Variants in SLC35D4 observed in about 807,000 individuals in gnomAD.
SLC35D4 encodes the protein UDP-N-acetylglucosamine transporter SLC35D4.
chr18:23,365,534 C>G, the SLC35D4 span: 1 of 1,392,914 alleles, frequency 7.2e-7, no homozygotes, highest in Non-Finnish European at 9.8e-7. Context: ...TCCTGGGGGG[C>G]AATGACATGC....
the SLC35D4 span, among the ~76,000 whole-genome samples, chr18:23,277,420 G>A: frequency 6.6e-6 from 1 of 152,186 alleles, no homozygotes; most frequent in Non-Finnish European, 1.5e-5. Flanking sequence ...CCAGCCATGT[G>A]GAACTGTAAG....
the SLC35D4 span, chr18:23,310,179 C>T: frequency 8.1e-6 from 8 of 982,688 alleles, no homozygotes; most frequent in African/African-American, 1.7e-5. Context: ...ACTTATCTGT[C>T]ACCCAGCCTT....
the SLC35D4 span, among the ~76,000 whole-genome samples, chr18:23,281,757 G>C: frequency 1.3e-5 from 2 of 152,234 alleles, no homozygotes; most frequent in African/African-American, 2.4e-5. Flanking sequence ...GCCAGAACCA[G>C]AGAGATTTTG....
chr18:23,365,736 A>G, the SLC35D4 span: 7 of 1,578,024 alleles, frequency 4.4e-6, no homozygotes, highest in Non-Finnish European at 6.0e-6. Flanking sequence ...GTTCCCACAC[A>G]TTTTACTTGG....
the SLC35D4 span, among the ~76,000 whole-genome samples, chr18:23,363,893 G>T: frequency 6.6e-6 from 1 of 152,178 alleles, no homozygotes; most frequent in African/African-American, 2.4e-5. Context: ...GCAGAGAGGG[G>T]ACTCAACAGC....
chr18:23,411,545 G>GAAAGAAAGAAAA, the SLC35D4 span, among the ~76,000 whole-genome samples: 1 of 150,070 alleles, frequency 6.7e-6, no homozygotes, highest in Non-Finnish European at 1.5e-5. Context: ...AAGAAAGAAA[G>GAAAGAAAGAAAA]AAAGAAAGGT....
chr18:23,267,930 C>T, the SLC35D4 span, among the ~76,000 whole-genome samples: 1 of 152,172 alleles, frequency 6.6e-6, no homozygotes, highest in Non-Finnish European at 1.5e-5. Flanking sequence ...AGTCTTCTGG[C>T]CACCCGGTTT....
the SLC35D4 span, chr18:23,365,620 C>A: frequency 1.2e-6 from 2 of 1,613,392 alleles, no homozygotes. Context: ...AAACAACACT[C>A]CGGGGGCATT....
chr18:23,419,082 G>A, the SLC35D4 span, among the ~76,000 whole-genome samples: 1 of 152,060 alleles, frequency 6.6e-6, no homozygotes, highest in Non-Finnish European at 1.5e-5. Context: ...GTCATCACAA[G>A]GTGAATGACT....
the SLC35D4 span, among the ~76,000 whole-genome samples, chr18:23,436,066 T>C: frequency 1.4e-5 from 2 of 142,556 alleles, no homozygotes; most frequent in African/African-American, 5.3e-5. Context: ...AACTGAGTCT[T>C]GCTCTGTTGC....
At chr18:23,421,699 C>T in the SLC35D4 span, among the ~76,000 whole-genome samples, 10 of 128,442 alleles carry the variant, frequency 7.8e-5, no homozygotes, top group South Asian at 2.5e-4. Context: ...TTTTTTGAGA[C>T]GGAGTTTCGC....
At chr18:23,423,976 A>G in the SLC35D4 span, among the ~76,000 whole-genome samples, 1 of 152,166 alleles carries the variant, frequency 6.6e-6, no homozygotes, top group Non-Finnish European at 1.5e-5. Flanking sequence ...GACTCACTGA[A>G]GGGTTCCAGG....
the SLC35D4 span, among the ~76,000 whole-genome samples, chr18:23,418,064 G>A: frequency 6.6e-6 from 1 of 152,072 alleles, no homozygotes; most frequent in Non-Finnish European, 1.5e-5. Context: ...CATAACAATG[G>A]AGTATTTAGT....
the SLC35D4 span, chr18:23,384,981 A>G: frequency 3.7e-6 from 6 of 1,612,922 alleles, no homozygotes; most frequent in African/African-American, 1.3e-5. Context: ...ATTTTGCATG[A>G]TCGTTTACCT....
the SLC35D4 span, among the ~76,000 whole-genome samples, chr18:23,403,029 C>G: frequency 2.0e-5 from 3 of 152,076 alleles, no homozygotes; most frequent in Non-Finnish European, 4.4e-5. Flanking sequence ...TCACTTGGAT[C>G]TGGGAGGTGG....
At chr18:23,305,507 T>C in the SLC35D4 span, among the ~76,000 whole-genome samples, 2 of 152,224 alleles carry the variant, frequency 1.3e-5, no homozygotes, top group Admixed American at 6.5e-5. Flanking sequence ...AGCTTCTTCA[T>C]CTTTAAAATA....
At chr18:23,377,301 A>T in the SLC35D4 span, among the ~76,000 whole-genome samples, 1 of 152,208 alleles carries the variant, frequency 6.6e-6, no homozygotes, top group East Asian at 1.9e-4. Flanking sequence ...AATATTAAAG[A>T]CTAAATAAAC....
the SLC35D4 span, among the ~76,000 whole-genome samples, chr18:23,337,843 A>G: frequency 9.2e-5 from 14 of 152,252 alleles, no homozygotes; most frequent in Non-Finnish European, 1.8e-4. Flanking sequence ...CTGGAAAAAT[A>G]GCAGGAGAGA....
the SLC35D4 span, among the ~76,000 whole-genome samples, chr18:23,375,119 AAAAAAT>A: frequency 6.6e-6 from 1 of 150,822 alleles, no homozygotes; most frequent in African/African-American, 2.4e-5. Flanking sequence ...CATCTCAAAA[AAAAAAT>A]AAAAATAAAA....
Sources: gnomAD v4.1 joint callset for allele counts (sites outside exome capture counted in the v4.1 genomes callset) on GRCh38, gnomAD v4.1.1 for gene constraint, MANE v1.5 for transcripts, NCBI Gene and HGNC (gene_info 2026-07-23, HGNC 2026-07-21) for gene names.